The following SOX13 variants were observed in gnomAD, a reference collection of about 807,000 sequenced individuals.
The protein encoded by SOX13 is SRY-box transcription factor 13, also known as transcription factor SOX-13.
A neutral mutation model predicts 71.8 loss-of-function variants in SOX13; 28 were observed. That is an observed-to-expected ratio of 0.39 (90% CI 0.29 to 0.53). The LOEUF (loss-of-function observed/expected upper bound fraction) is 0.53, where lower values mean the gene tolerates loss of function less well. Among genes scored for constraint, SOX13 ranks in the 20% least tolerant of loss-of-function variants. The probability of loss-of-function intolerance (pLI) is 0.70; values close to 1 mark genes in which losing one functional copy is unlikely to be tolerated. For missense variants in SOX13, 627 were observed against 810.3 expected (o/e 0.77, Z 2.75); for synonymous variants, 309 against 317.8 (o/e 0.97, Z 0.29).
At chr1:204,097,945 C>T (rs1478150173) in intron 1 of SOX13, among the ~76,000 whole-genome samples, 1 of 151,984 alleles carries the variant, frequency 6.6e-6, no homozygotes, top group Non-Finnish European at 1.5e-5. Flanking sequence ...TGGCTCACTG[C>T]AGCCTCAACC....
In SOX13 at chr1:204,122,901, C is replaced by T. The variant is rs1447480023; in HGVS notation, c.1072C>T (p.Arg358Trp). 1.9e-6 allele frequency: 3 copies of T among 1,583,540 alleles called. No individual in the cohort carries two copies. Among genetic ancestry groups the T allele is most frequent in the Non-Finnish European group, 2.6e-6 (3 of 1,164,702 alleles). Residue 358 changes from arginine (R) to tryptophan (W), a missense_variant, in exon 10 of 14, where the codon CGG becomes TGG. By Grantham distance (101) the Arg-to-Trp change is moderately radical (BLOSUM62 -3). Coordinates refer to ENST00000367204, the MANE Select transcript of SOX13 (RefSeq NM_005686.3). ...DAVTKAIQDARQLLHSHSGAL... is the reference protein window; with the variant it reads ...DAVTKAIQDAWQLLHSHSGAL... ...TGTCACCAAAGCCATCCAGGATGCT[C>T]GGCAGCTGCTGCACAGCCACAGTGG...
chr1:204,126,422 C>A lies in SOX13; in HGVS notation c.*288C>A. On this transcript the variant is annotated 3_prime_UTR_variant, in exon 14 of 14. Coordinates refer to ENST00000367204, the MANE Select transcript of SOX13 (RefSeq NM_005686.3). ...AGGGGACACTGTATGACTCTCCTCT[C>A]CTGCAGGTGTCTATCCACCTGGGGT... 1 of 445,616 alleles carries A rather than the reference C, an allele frequency of 2.2e-6. No homozygotes were observed. The highest frequency in any genetic ancestry group is 4.1e-6 in the Non-Finnish European group (1 of 245,726). 27.6% of individuals were successfully genotyped at this position (445,616 alleles called of 1,614,324 possible).
chr1:204,120,231 G>A (rs1470640030), intron 7 of SOX13, among the ~76,000 whole-genome samples: 1 of 152,206 alleles, frequency 6.6e-6, no homozygotes, highest in Non-Finnish European at 1.5e-5. Flanking sequence ...GGAATGGGGA[G>A]TGGAGAAGGT....
chr1:204,108,791 A>C (rs1656519799), intron 1 of SOX13, among the ~76,000 whole-genome samples: 1 of 151,982 alleles, frequency 6.6e-6, no homozygotes, highest in Non-Finnish European at 1.5e-5. Flanking sequence ...CCAACACCCT[A>C]TTGTCTGGCT....
intron 1 of SOX13, among the ~76,000 whole-genome samples, chr1:204,095,295 C>G (rs1291826616): frequency 6.6e-6 from 1 of 152,206 alleles, no homozygotes; most frequent in Admixed American, 6.5e-5. Context: ...TCTCTATCCC[C>G]ATCTTCTTGT....
At chr1:204,101,819 T>C (rs1210871650) in intron 1 of SOX13, among the ~76,000 whole-genome samples, 1 of 152,120 alleles carries the variant, frequency 6.6e-6, no homozygotes, top group African/African-American at 2.4e-5. Context: ...CTTCACCTCC[T>C]AATCTAGATG....
Position 204,124,631 on chromosome 1 carries a change from G to T in SOX13, c.1376-10G>T. The T allele has an allele frequency of 6.2e-7, 1 of 1,602,354 alleles. No individual in the cohort carries two copies. The highest frequency in any genetic ancestry group is 8.5e-7 in the Non-Finnish European group (1 of 1,174,852). ...AGCACTGACTGCCTGCCCCTGGGGG[G>T]TTGGGTCAGGATCTCGCTGGAAGTC... On this transcript the variant is annotated splice_polypyrimidine_tract_variant and intron_variant, in intron 12 of 13. Coordinates refer to ENST00000367204, the MANE Select transcript of SOX13 (RefSeq NM_005686.3).
chr1:204,079,574 C>G (rs532931277), intron 1 of SOX13, among the ~76,000 whole-genome samples: 5 of 151,954 alleles, frequency 3.3e-5, no homozygotes, highest in African/African-American at 1.2e-4. Context: ...CTCGAACCCC[C>G]GACCTCAGGT....
At chr1:204,121,710 G>T (rs1015400579) in intron 7 of SOX13, among the ~76,000 whole-genome samples, 190 bp from the exon 8 acceptor site, 2 of 152,190 alleles carry the variant, frequency 1.3e-5, no homozygotes, top group South Asian at 4.1e-4. Context: ...CAGTCAGTGT[G>T]CAGGGGCAGT....
intron 1 of SOX13, among the ~76,000 whole-genome samples, chr1:204,093,558 G>A (rs1276733762): frequency 1.3e-5 from 2 of 152,226 alleles, no homozygotes; most frequent in East Asian, 1.9e-4. Flanking sequence ...CCATGGTGGC[G>A]GGTGGCATCC....
At chr1:204,092,592 A>G (rs1031722704) in intron 1 of SOX13, among the ~76,000 whole-genome samples, 1 of 152,208 alleles carries the variant, frequency 6.6e-6, no homozygotes, top group African/African-American at 2.4e-5. Flanking sequence ...TATGGCCCTT[A>G]GTATAGGACC....
intron 1 of SOX13, among the ~76,000 whole-genome samples, chr1:204,097,138 G>A (rs997592231): frequency 6.6e-6 from 1 of 152,180 alleles, no homozygotes; most frequent in Non-Finnish European, 1.5e-5. Flanking sequence ...TGTCACAGCA[G>A]CAGAGTGGCT....
intron 7 of SOX13, among the ~76,000 whole-genome samples, chr1:204,120,694 G>A (rs1656785276): frequency 6.6e-6 from 1 of 152,236 alleles, no homozygotes; most frequent in African/African-American, 2.4e-5. Context: ...CCCACAGGGA[G>A]CCTGCTCTAG....
At chr1:204,122,141 G>C in intron 8 of SOX13, 96 bp from the exon 9 acceptor site, 1 of 1,173,666 alleles carries the variant, frequency 8.5e-7, no homozygotes, top group Admixed American at 2.3e-5. Flanking sequence ...CTGTCTCCTT[G>C]TGTGTTCTGG....
intron 2 of SOX13, 133 bp downstream of exon 2, chr1:204,113,267 AT>A (rs1419149486): frequency 1.3e-6 from 1 of 771,782 alleles, no homozygotes; most frequent in African/African-American, 1.7e-5. Flanking sequence ...GTAAGACGCC[AT>A]GTAGGGAAGC....
At chr1:204,104,366 C>T (rs1333087692) in intron 1 of SOX13, among the ~76,000 whole-genome samples, 1 of 152,190 alleles carries the variant, frequency 6.6e-6, no homozygotes, top group African/African-American at 2.4e-5. Flanking sequence ...AAAGCTTTGT[C>T]CCAAGCCTGC....
At chr1:204,089,249 G>T (rs1278371398) in intron 1 of SOX13, among the ~76,000 whole-genome samples, 4 of 152,150 alleles carry the variant, frequency 2.6e-5, no homozygotes, top group African/African-American at 4.8e-5. Context: ...TGAGTGTGTG[G>T]TGTCTTGGCG....
chr1:204,091,120 C>T (rs1404109431), intron 1 of SOX13, among the ~76,000 whole-genome samples: 1 of 152,214 alleles, frequency 6.6e-6, no homozygotes, highest in Non-Finnish European at 1.5e-5. Flanking sequence ...TGTTCTTTTC[C>T]TTTCCATTCA....
chr1:204,110,259 C>T (rs757120521), intron 1 of SOX13, among the ~76,000 whole-genome samples: 32 of 151,786 alleles, frequency 2.1e-4, no homozygotes, highest in Admixed American at 1.7e-3. Context: ...TCCTGAGTAG[C>T]GAGGACTATA....
Sources: gnomAD v4.1 joint callset for allele counts (sites outside exome capture counted in the v4.1 genomes callset) on GRCh38, gnomAD v4.1.1 for gene constraint, MANE v1.5 for transcripts, NCBI Gene and HGNC (gene_info 2026-07-23, HGNC 2026-07-21) for gene names.